The following HEMK2 variants were observed in gnomAD, a reference collection of about 807,000 sequenced individuals.
The protein encoded by HEMK2 is HemK methyltransferase 2, ETF1 glutamine and histone H4 lysine.
chr21:28,768,651 G>A, the HEMK2 span, among the ~76,000 whole-genome samples: 29 of 152,112 alleles, frequency 1.9e-4, no homozygotes, highest in South Asian at 5.6e-3. Context: ...AACCAATGGA[G>A]CATCTCATGG....
chr21:28,728,932 G>A, the HEMK2 span, among the ~76,000 whole-genome samples: 1 of 152,168 alleles, frequency 6.6e-6, no homozygotes, highest in Non-Finnish European at 1.5e-5. Flanking sequence ...AGGGAGCTGT[G>A]ACTCCTGGTG....
At chr21:28,718,078 CTT>C in the HEMK2 span, among the ~76,000 whole-genome samples, 4 of 152,124 alleles carry the variant, frequency 2.6e-5, no homozygotes, top group African/African-American at 9.7e-5. Context: ...AAATTTTTCT[CTT>C]AACACTGCTT....
At chr21:28,588,251 A>G in the HEMK2 span, among the ~76,000 whole-genome samples, 1 of 152,224 alleles carries the variant, frequency 6.6e-6, no homozygotes, top group Non-Finnish European at 1.5e-5. Context: ...TGGGGCACCA[A>G]AAAGGCCTAT....
chr21:28,797,227 T>C, the HEMK2 span, among the ~76,000 whole-genome samples: 1 of 152,162 alleles, frequency 6.6e-6, no homozygotes, highest in African/African-American at 2.4e-5. Context: ...ATTGCACTCC[T>C]GTTCTGAAGG....
At chr21:28,862,532 G>A in the HEMK2 span, among the ~76,000 whole-genome samples, 37 of 145,456 alleles carry the variant, frequency 2.5e-4, 4 homozygotes, top group Admixed American at 7.4e-4. Context: ...CCAGCTACTC[G>A]GGAGGCTGAG....
the HEMK2 span, among the ~76,000 whole-genome samples, chr21:28,877,293 GAA>G: frequency 1.2e-5 from 1 of 86,716 alleles, no homozygotes; most frequent in Non-Finnish European, 2.4e-5. Context: ...AGGAAGGAAG[GAA>G]GGAAGAGAGA....
the HEMK2 span, among the ~76,000 whole-genome samples, chr21:28,627,823 GA>G: frequency 2.0e-3 from 307 of 152,234 alleles, 1 homozygote; most frequent in African/African-American, 6.9e-3. Context: ...ATGGAAAATT[GA>G]AAGTACCACT....
At chr21:28,614,559 G>A in the HEMK2 span, among the ~76,000 whole-genome samples, 6 of 152,100 alleles carry the variant, frequency 3.9e-5, no homozygotes, top group Admixed American at 2.6e-4. Flanking sequence ...TTGAGACTTC[G>A]CCATTTTCTT....
At chr21:28,779,012 G>A in the HEMK2 span, among the ~76,000 whole-genome samples, 64 of 152,246 alleles carry the variant, frequency 4.2e-4, 1 homozygote, top group Non-Finnish European at 7.9e-4. Flanking sequence ...GAAGCCATAG[G>A]ACAAGGAGAC....
chr21:28,821,960 C>T, the HEMK2 span, among the ~76,000 whole-genome samples: 69,936 of 151,958 alleles, frequency 0.46, 18,017 homozygotes, highest in East Asian at 0.77. Flanking sequence ...GGAAGTTTAC[C>T]TCAGTAATAC....
At chr21:28,868,222 T>C in the HEMK2 span, among the ~76,000 whole-genome samples, 3 of 152,198 alleles carry the variant, frequency 2.0e-5, no homozygotes, top group South Asian at 2.1e-4. Context: ...TCCTATTATC[T>C]AGGAGTGTCT....
At chr21:28,665,847 CAAT>C in the HEMK2 span, among the ~76,000 whole-genome samples, 2 of 152,076 alleles carry the variant, frequency 1.3e-5, no homozygotes, top group African/African-American at 2.4e-5. Flanking sequence ...AAATGTCCAA[CAAT>C]GATAGACTGG....
the HEMK2 span, among the ~76,000 whole-genome samples, chr21:28,793,594 G>A: frequency 6.8e-3 from 1,033 of 152,308 alleles, 9 homozygotes; most frequent in African/African-American, 0.024. Flanking sequence ...CTTAGAGGAT[G>A]CTGTGAGGTG....
the HEMK2 span, among the ~76,000 whole-genome samples, chr21:28,790,712 G>A: frequency 6.6e-6 from 1 of 151,728 alleles, no homozygotes; most frequent in Non-Finnish European, 1.5e-5. Flanking sequence ...TGGATTCATT[G>A]AGAACATTTT....
the HEMK2 span, among the ~76,000 whole-genome samples, chr21:28,640,268 C>T: frequency 6.6e-6 from 1 of 152,150 alleles, no homozygotes; most frequent in Non-Finnish European, 1.5e-5. Context: ...CCCATGATGA[C>T]CAGTGCTCTG....
At chr21:28,884,032 A>G in the HEMK2 span, among the ~76,000 whole-genome samples, 1 of 152,230 alleles carries the variant, frequency 6.6e-6, no homozygotes, top group African/African-American at 2.4e-5. Flanking sequence ...TTTTGGAACC[A>G]GTCTACACAT....
At chr21:28,800,295 C>T in the HEMK2 span, among the ~76,000 whole-genome samples, 2 of 152,010 alleles carry the variant, frequency 1.3e-5, no homozygotes, top group African/African-American at 4.8e-5. Context: ...GATGGCTTCA[C>T]GTTGTAACAG....
the HEMK2 span, among the ~76,000 whole-genome samples, chr21:28,746,707 G>A: frequency 2.0e-5 from 3 of 151,370 alleles, no homozygotes; most frequent in Admixed American, 2.0e-4. Flanking sequence ...GATCTATGGA[G>A]AACATTCCAG....
chr21:28,681,054 C>A, the HEMK2 span, among the ~76,000 whole-genome samples: 2 of 151,970 alleles, frequency 1.3e-5, no homozygotes, highest in African/African-American at 2.4e-5. Flanking sequence ...CTGGCCAGGG[C>A]AATTAGGCAG....
Sources: allele counts gnomAD v4.1 joint callset (sites outside exome capture counted in the v4.1 genomes callset), GRCh38; gene constraint gnomAD v4.1.1; transcripts MANE v1.5; gene names NCBI Gene and HGNC (gene_info 2026-07-23, HGNC 2026-07-21).